PICALM: variants seen among roughly 807,000 people sequenced by gnomAD.
The protein encoded by PICALM is phosphatidylinositol binding clathrin assembly protein.
In PICALM, 40 loss-of-function variants were observed where a neutral mutation model predicts 80.5. That is an observed-to-expected ratio of 0.50 (90% CI 0.39 to 0.65). PICALM has a LOEUF of 0.65. Ranked by LOEUF, PICALM falls within the 30% of genes least tolerant of loss-of-function variation. The pLI is 0.00. For synonymous variants in PICALM, 288 were observed against 260.3 expected (o/e 1.11, Z -1.02); for missense variants, 676 against 778.9 (o/e 0.87, Z 1.57).
At chr11:85,980,380 T>A (rs2094405498) in intron 17 of PICALM, among the ~76,000 whole-genome samples, 1 of 152,208 alleles carries the variant, frequency 6.6e-6, no homozygotes, top group Non-Finnish European at 1.5e-5. Context: ...GAACTTTATT[T>A]CCTCTTTCAT....
chr11:86,044,302 C>T (rs1282679096), intron 1 of PICALM, among the ~76,000 whole-genome samples: 1 of 152,122 alleles, frequency 6.6e-6, no homozygotes, highest in African/African-American at 2.4e-5. Context: ...TCACCAGTGG[C>T]CTGGAGGCCT....
intron 3 of PICALM, among the ~76,000 whole-genome samples, chr11:86,025,532 T>A (rs767309510): frequency 6.5e-4 from 5 of 7,736 alleles, no homozygotes; most frequent in African/African-American, 1.1e-3. Context: ...ATAATAACAA[T>A]GAAAGCAAAT....
At position 86,069,042 on chromosome 11, in the gene PICALM, A is replaced by T. The variant is rs1285930977; in HGVS notation, c.-262T>A. The T allele has an allele frequency of 1.1e-5, 5 of 443,104 alleles. No individual in the cohort carries two copies. The highest frequency in any genetic ancestry group is 4.1e-6 in the Non-Finnish European group (1 of 245,582). The allele number at this position is 443,104 out of a possible 1,614,324, so 27.4% of individuals were successfully genotyped here. On this transcript the variant is annotated 5_prime_UTR_variant, in exon 1 of 20. Coordinates refer to ENST00000393346, the MANE Select transcript of PICALM (RefSeq NM_007166.4). ...GCCCACCCCTTCCCGGGTCAGCTGG[A>T]GCCGGGCAGGGTAAGAGGAACAGGC...
intron 17 of PICALM, among the ~76,000 whole-genome samples, chr11:85,979,120 C>G (rs547260383): frequency 1.3e-5 from 2 of 152,104 alleles, no homozygotes; most frequent in Non-Finnish European, 2.9e-5. Flanking sequence ...TCCCTCAAGA[C>G]AGCAACATTT....
intron 11 of PICALM, among the ~76,000 whole-genome samples, chr11:85,998,484 T>C (rs1399713288): frequency 2.0e-5 from 3 of 151,758 alleles, no homozygotes; most frequent in African/African-American, 4.8e-5. Context: ...ACAGTACAGA[T>C]AATTTTTTTA....
At chr11:85,972,428 A>G (rs2094140333) in intron 19 of PICALM, among the ~76,000 whole-genome samples, 1 of 152,214 alleles carries the variant, frequency 6.6e-6, no homozygotes, top group Non-Finnish European at 1.5e-5. Context: ...TCACCATTTA[A>G]TTAGTTGAAG....
intron 19 of PICALM, among the ~76,000 whole-genome samples, chr11:85,974,003 C>A (rs2094193379): frequency 6.6e-6 from 1 of 151,392 alleles, no homozygotes; most frequent in Non-Finnish European, 1.5e-5. Context: ...AAGTGAATAA[C>A]AAAGGAATTT....
chr11:85,958,970 T>A lies in PICALM; in HGVS notation c.*76A>T. ...TTAAGAGATTTAAGAGACAGCAGTT[T>A]GGATTTTGCTGGAAGTAAGGATTTT... On this transcript the variant is annotated 3_prime_UTR_variant, in exon 20 of 20. Coordinates refer to ENST00000393346, the MANE Select transcript of PICALM (RefSeq NM_007166.4). The A allele has an allele frequency of 9.5e-7, 1 of 1,056,684 alleles. No individual in the cohort carries two copies. The highest frequency in any genetic ancestry group is 1.4e-6 in the Non-Finnish European group (1 of 695,318). The allele number at this position is 1,056,684 out of a possible 1,614,324, so 65.5% of individuals were successfully genotyped here.
chr11:85,991,955 A>C (rs2094794030), intron 12 of PICALM, among the ~76,000 whole-genome samples: 1 of 152,130 alleles, frequency 6.6e-6, no homozygotes, highest in South Asian at 2.1e-4. Context: ...TCCTGGGCTC[A>C]AGTGATGCTC....
rs545974996 is a variant in PICALM, at chr11:86,025,262, T to C, written c.349+1030A>G. Among the ~76,000 whole-genome samples, 79 of 152,126 alleles carry C rather than the reference T, an allele frequency of 5.2e-4. 2 individuals carry two copies. Among genetic ancestry groups the C allele is most frequent in the African/African-American group, 1.7e-3 (71 of 41,536 alleles). On this transcript the variant is annotated intron_variant, in intron 3 of 19. Transcript: ENST00000393346. ...TAAAGATACACAAAGTAGCTGGGCGTGGTGACATGCGCGGGTAGTCCCAGC... is the reference window on the plus strand; with the variant it reads ...TAAAGATACACAAAGTAGCTGGGCGCGGTGACATGCGCGGGTAGTCCCAGC...
chr11:86,000,814 A>G, intron 10 of PICALM, 35 bp from the exon 11 acceptor site: 1 of 1,595,408 alleles, frequency 6.3e-7, no homozygotes, highest in Non-Finnish European at 8.5e-7. Flanking sequence ...AGGATTCCAG[A>G]AACCAGATTT....
In PICALM at chr11:85,964,191, T is replaced by C. The variant is rs533113965; in HGVS notation, c.1945-5131A>G. The stretch of plus-strand genomic sequence containing the variant: ...TAAAAGCTTATGAAAGACTAAATGG[T>C]TGGATATTTAGGAAAAAACTTGTGA... On this transcript the variant is annotated intron_variant, in intron 19 of 19. Transcript: ENST00000393346. Among the ~76,000 whole-genome samples, 49 of 152,190 alleles carry C rather than the reference T, an allele frequency of 3.2e-4. No individual in the cohort carries two copies. The South Asian group carries it at 9.3e-3, about 29-fold the overall frequency.
chr11:85,970,064 C>T (rs1338501684), intron 19 of PICALM, among the ~76,000 whole-genome samples: 1 of 152,106 alleles, frequency 6.6e-6, no homozygotes, highest in African/African-American at 2.4e-5. Flanking sequence ...ATTTACTTAA[C>T]AAATAATGTC....
chr11:86,050,982 C>A (rs1196485895), intron 1 of PICALM, among the ~76,000 whole-genome samples: 1 of 152,128 alleles, frequency 6.6e-6, no homozygotes, highest in Non-Finnish European at 1.5e-5. Flanking sequence ...ACCAACACAC[C>A]CAGCTGAAAA....
At chr11:86,018,569 A>G (rs772752114) in intron 4 of PICALM, among the ~76,000 whole-genome samples, 2 of 152,204 alleles carry the variant, frequency 1.3e-5, no homozygotes, top group Non-Finnish European at 2.9e-5. Context: ...CACCTGCAAC[A>G]TAATTCTACA....
intron 4 of PICALM, among the ~76,000 whole-genome samples, chr11:86,019,304 T>G (rs1335112436): frequency 6.6e-6 from 1 of 152,126 alleles, no homozygotes; most frequent in Non-Finnish European, 1.5e-5. Context: ...GTCTGACGTG[T>G]ATATGTGTGT....
intron 11 of PICALM, among the ~76,000 whole-genome samples, chr11:85,998,486 AT>A (rs1382166458): frequency 6.7e-6 from 1 of 150,344 alleles, no homozygotes; most frequent in Non-Finnish European, 1.5e-5. Flanking sequence ...AGTACAGATA[AT>A]TTTTTTAAGA....
In PICALM at chr11:85,981,204, A is replaced by C; in HGVS notation, c.1704T>G (p.Gly568=). ...TKNDVNWSQP[G]EKKLTGGSNW... ...TAGATCCCCCAGTTAACTTCTTTTC[A>C]CCTGGTTGACTCCAATTTACATCAC... The change falls in exon 17 of 20, where the codon GGT becomes GGG. Residue 568 remains glycine, a synonymous_variant. Transcript: ENST00000393346. The C allele has an allele frequency of 6.3e-7, 1 of 1,596,116 alleles. No homozygotes were observed. Among genetic ancestry groups the C allele is most frequent in the Non-Finnish European group, 8.6e-7 (1 of 1,163,658 alleles).
chr11:85,999,585 A>G (rs2095081374), intron 11 of PICALM, among the ~76,000 whole-genome samples: 1 of 152,228 alleles, frequency 6.6e-6, no homozygotes, highest in African/African-American at 2.4e-5. Context: ...AAGAAAAAAA[A>G]GAACTAAATT....
Sources: allele counts gnomAD v4.1 joint callset (sites outside exome capture counted in the v4.1 genomes callset), GRCh38; gene constraint gnomAD v4.1.1; transcripts MANE v1.5; gene names NCBI Gene and HGNC (gene_info 2026-07-23, HGNC 2026-07-21).